The following SEM1 variants were observed in gnomAD, a reference collection of about 807,000 sequenced individuals.
SEM1 encodes 26S proteasome complex subunit SEM1.
In SEM1, 3 loss-of-function variants were observed where a neutral mutation model predicts 12.7. That is an observed-to-expected ratio of 0.24 (90% CI 0.11 to 0.61). The LOEUF (loss-of-function observed/expected upper bound fraction) is 0.61. Among genes scored for constraint, SEM1 ranks in the 20% least tolerant of loss-of-function variants. The probability of loss-of-function intolerance (pLI) is 0.88; values close to 1 mark genes in which losing one functional copy is unlikely to be tolerated. For missense variants in SEM1, 59 were observed against 81.3 expected (o/e 0.73, Z 1.06); for synonymous variants, 30 against 27.8 (o/e 1.08, Z -0.25).
intron 2 of SEM1, among the ~76,000 whole-genome samples, chr7:96,553,351 C>A (rs1805360047): frequency 6.6e-6 from 1 of 150,912 alleles, no homozygotes; most frequent in Non-Finnish European, 1.5e-5. Context: ...GTCTTTAATC[C>A]ATCTTGAATT....
chr7:96,534,693 C>T (rs1450935005), intron 2 of SEM1, among the ~76,000 whole-genome samples: 1 of 152,038 alleles, frequency 6.6e-6, no homozygotes, highest in East Asian at 1.9e-4. Context: ...TCTTCACATA[C>T]TTCAATCAAA....
intron 2 of SEM1, among the ~76,000 whole-genome samples, chr7:96,550,435 T>G (rs1220935225): frequency 1.3e-5 from 2 of 152,326 alleles, no homozygotes; most frequent in East Asian, 3.9e-4. Flanking sequence ...GATTGCAAAA[T>G]CGTTTATGAT....
exon 3 of SEM1, chr7:96,673,612 T>C (rs772049291): frequency 1.1e-4 from 68 of 629,254 alleles, no homozygotes; most frequent in Non-Finnish European, 1.8e-4. Context: ...TCTCTTTGCC[T>C]GAAATGCTGT....
chr7:96,643,848 C>G (rs1286272744), intron 2 of SEM1, among the ~76,000 whole-genome samples: 2 of 151,976 alleles, frequency 1.3e-5, no homozygotes, highest in Non-Finnish European at 2.9e-5. Flanking sequence ...ATTTAGTTAT[C>G]TTTAAGTAAG....
chr7:96,585,156 A>G (rs574082527), intron 2 of SEM1, among the ~76,000 whole-genome samples: 2,011 of 152,200 alleles, frequency 0.013, 39 homozygotes, highest in African/African-American at 0.045. Flanking sequence ...TGGTGTGGAT[A>G]TCCTTTCTGT....
chr7:96,492,791 T>TGTG (rs1803073565), intron 1 of SEM1, among the ~76,000 whole-genome samples: 1 of 134,250 alleles, frequency 7.4e-6, no homozygotes, highest in African/African-American at 2.9e-5. Flanking sequence ...GTGTGTGTGT[T>TGTG]TGTGTACACC....
In SEM1 at chr7:96,709,801, A is replaced by G. The variant is rs112474432; in HGVS notation, c.-38T>C. The stretch of plus-strand genomic sequence containing the variant: ...CGCCCAACACCTCCCAGATAAGCAG[A>G]AAAGTTGGAACCCTCACTCTTCCTC... On this transcript the variant is annotated 5_prime_UTR_variant, in exon 1 of 3. Transcript: ENST00000248566. 581 of 1,603,618 alleles carry G rather than the reference A, an allele frequency of 3.6e-4. No homozygotes were observed. Among genetic ancestry groups the G allele is most frequent in the Admixed American group, 7.0e-4 (42 of 59,878 alleles).
At chr7:96,482,326 C>T (rs554999217) in exon 4 of SEM1, 1 of 152,272 alleles carries the variant, frequency 6.6e-6, no homozygotes, top group South Asian at 2.1e-4. Context: ...CATCTGTGTG[C>T]TCTTTAATAC....
intron 2 of SEM1, among the ~76,000 whole-genome samples, chr7:96,586,589 T>C (rs16869058): frequency 0.041 from 6,313 of 152,260 alleles, 339 homozygotes; most frequent in Admixed American, 0.14. Flanking sequence ...GTCAGAGATG[T>C]GGTATTCATT....
At chr7:96,601,277 A>G (rs1807190634) in intron 2 of SEM1, among the ~76,000 whole-genome samples, 1 of 152,232 alleles carries the variant, frequency 6.6e-6, no homozygotes, top group Non-Finnish European at 1.5e-5. Context: ...AGAGAAAAAC[A>G]ATAAATAAAA....
intron 2 of SEM1, among the ~76,000 whole-genome samples, chr7:96,599,926 C>T (rs932588974): frequency 4.1e-4 from 62 of 151,692 alleles, no homozygotes; most frequent in African/African-American, 1.4e-3. Flanking sequence ...AACATGTTAG[C>T]TTATCTAAAC....
intron 1 of SEM1, chr7:96,697,453 C>G (rs1790131963): frequency 6.6e-6 from 1 of 151,978 alleles, no homozygotes; most frequent in African/African-American, 2.4e-5. Flanking sequence ...CTTACTTTCC[C>G]CTACTCTGCA....
intron 2 of SEM1, among the ~76,000 whole-genome samples, chr7:96,677,067 C>T (rs1029202901): frequency 8.5e-5 from 13 of 152,080 alleles, no homozygotes; most frequent in African/African-American, 3.1e-4. Context: ...CCATCAATCA[C>T]CGAAGGGAAT....
At chr7:96,518,395 G>A (rs892017864) in intron 2 of SEM1, among the ~76,000 whole-genome samples, 1 of 152,110 alleles carries the variant, frequency 6.6e-6, no homozygotes, top group African/African-American at 2.4e-5. Context: ...GTGAAAGAGC[G>A]ATGAGTATAA....
intron 2 of SEM1, among the ~76,000 whole-genome samples, chr7:96,628,885 C>T (rs955764449): frequency 1.3e-5 from 2 of 152,122 alleles, no homozygotes; most frequent in Non-Finnish European, 2.9e-5. Flanking sequence ...AGTTTTCCTT[C>T]ACGTTTGAAG....
chr7:96,612,978 T>C (rs1156560520), intron 2 of SEM1, among the ~76,000 whole-genome samples: 3 of 152,056 alleles, frequency 2.0e-5, no homozygotes, highest in African/African-American at 7.2e-5. Flanking sequence ...CTTTTTTAAA[T>C]GAAGAAAAGT....
chr7:96,501,326 C>G (rs10953178), upstream of SEM1, among the ~76,000 whole-genome samples: 5 of 151,840 alleles, frequency 3.3e-5, no homozygotes, highest in African/African-American at 1.2e-4. Flanking sequence ...TTCTCACTGA[C>G]CTTTAGTAAT....
chr7:96,541,252 G>T (rs975763440), intron 2 of SEM1, among the ~76,000 whole-genome samples: 2 of 151,750 alleles, frequency 1.3e-5, no homozygotes, highest in Non-Finnish European at 2.9e-5. Context: ...GCCAGCATCT[G>T]CTGTTCTTGG....
At chr7:96,671,875 A>C (rs1315640332), downstream of SEM1, among the ~76,000 whole-genome samples, 7 of 152,236 alleles carry the variant, frequency 4.6e-5, no homozygotes, top group African/African-American at 2.4e-5. Flanking sequence ...CTTTAGATTC[A>C]CAGTGTAAAC....
Sources: allele counts gnomAD v4.1 joint callset (sites outside exome capture counted in the v4.1 genomes callset), GRCh38; gene constraint gnomAD v4.1.1; transcripts MANE v1.5; gene names NCBI Gene and HGNC (gene_info 2026-07-23, HGNC 2026-07-21).